PKD2L1: variants seen among roughly 807,000 people sequenced by gnomAD.
The protein encoded by PKD2L1 is polycystin-2-like protein 1.
In PKD2L1, 77 loss-of-function variants were observed where a neutral mutation model predicts 93.0. That is an observed-to-expected ratio of 0.83 (90% CI 0.69 to 1.00). The LOEUF is 1.00. Ranked by LOEUF, PKD2L1 falls within the 50% of genes least tolerant of loss-of-function variation. The pLI, the probability that PKD2L1 is intolerant of heterozygous loss-of-function variation, is 0.00. For synonymous variants in PKD2L1, 390 were observed against 388.0 expected (o/e 1.01, Z -0.06); for missense variants, 977 against 990.9 (o/e 0.99, Z 0.19).
chr10:100,298,085 T>G (rs141764752), intron 4 of PKD2L1, among the ~76,000 whole-genome samples: 367 of 152,244 alleles, frequency 2.4e-3, no homozygotes, highest in African/African-American at 8.6e-3. Flanking sequence ...CTCCATTCTA[T>G]CCACTAAACT....
chr10:100,321,169 C>T (rs1849217647), intron 2 of PKD2L1, among the ~76,000 whole-genome samples: 1 of 151,754 alleles, frequency 6.6e-6, no homozygotes, highest in African/African-American at 2.4e-5. Context: ...GAAAATATAG[C>T]AACACCCGAC....
At chr10:100,321,812 A>G (rs111553883) in intron 2 of PKD2L1, among the ~76,000 whole-genome samples, 260 of 684 alleles carry the variant, frequency 0.38, 117 homozygotes, top group Admixed American at 0.52. Flanking sequence ...GGGAGGGAGG[A>G]AGGAAGGAAA....
rs770018957 is a variant in PKD2L1 at position 100,292,988 on chromosome 10, G to T, written c.1840C>A (p.Gln614Lys). The T allele has an allele frequency of 6.2e-7, 1 of 1,614,112 alleles. No homozygotes were observed. Among genetic ancestry groups the T allele is most frequent in the East Asian group, 2.2e-5 (1 of 44,888 alleles). ...GTGAAATCCTCAAACTGGATCTCCT[G>T]CTCCCCACCCTGCAGGACCTTCTGC... ...DVQKVLQGGE[Q>K]EIQFEDFTNT... The change falls in exon 11 of 16, where the codon CAG becomes AAG. Residue 614 changes from glutamine to lysine, a missense_variant. Coordinates refer to ENST00000318222, the MANE Select transcript of PKD2L1 (RefSeq NM_016112.3).
intron 2 of PKD2L1, among the ~76,000 whole-genome samples, chr10:100,301,044 C>T (rs193212062): frequency 9.9e-5 from 15 of 152,130 alleles, no homozygotes; most frequent in Non-Finnish European, 1.5e-4. Flanking sequence ...GTTGGGTGTC[C>T]GGCGGAGACG....
chr10:100,308,141 TG>T (rs766262150), intron 2 of PKD2L1, among the ~76,000 whole-genome samples: 2 of 152,296 alleles, frequency 1.3e-5, no homozygotes, highest in Non-Finnish European at 2.9e-5. Context: ...TAAATTCTTC[TG>T]TACACACTAT....
At position 100,329,287 on chromosome 10, in the gene PKD2L1, C is replaced by G; in HGVS notation, c.273G>C (p.Glu91Asp). 6.2e-7 allele frequency: 1 copy of G among 1,614,170 alleles called. No individual in the cohort carries two copies. Among genetic ancestry groups the G allele is most frequent in the Middle Eastern group, 1.6e-4 (1 of 6,062 alleles). ...TGGTCTTGATATAAAGTTCCCGGTT[C>G]TCAGCTGTGTTCTCAGTCAGGGTTG... Reference protein sequence around the residue: ...WGTTLTENTAENRELYIKTTL... With the variant: ...WGTTLTENTADNRELYIKTTL... Residue 91 changes from glutamate to aspartate, a missense_variant, in exon 2 of 16, where the codon GAG (glutamate) becomes GAC (aspartate). By Grantham distance (45) the Glu-to-Asp change is conservative. Transcript: ENST00000318222.
intron 2 of PKD2L1, among the ~76,000 whole-genome samples, chr10:100,307,656 C>A (rs1262382382): frequency 1.3e-5 from 2 of 151,858 alleles, no homozygotes; most frequent in Admixed American, 1.3e-4. Flanking sequence ...TGAGACACTG[C>A]CTCAAAAAAT....
At chr10:100,308,848 T>A (rs972458952) in intron 2 of PKD2L1, among the ~76,000 whole-genome samples, 3 of 152,236 alleles carry the variant, frequency 2.0e-5, no homozygotes, top group Admixed American at 2.0e-4. Flanking sequence ...GTTAGGATTG[T>A]GCAAGTCTAT....
At chr10:100,306,661 C>T (rs1184433346) in intron 2 of PKD2L1, among the ~76,000 whole-genome samples, 1 of 151,682 alleles carries the variant, frequency 6.6e-6, no homozygotes, top group African/African-American at 2.4e-5. Context: ...AGGAGTTTGA[C>T]ACCAGCCCGG....
intron 2 of PKD2L1, among the ~76,000 whole-genome samples, chr10:100,308,728 G>A (rs1233049571): frequency 2.6e-5 from 4 of 152,232 alleles, no homozygotes; most frequent in African/African-American, 7.2e-5. Context: ...TCCAAAAGCC[G>A]TGATTTAACC....
At chr10:100,311,255 C>T (rs12269609) in intron 2 of PKD2L1, among the ~76,000 whole-genome samples, 8,225 of 152,222 alleles carry the variant, frequency 0.054, 723 homozygotes, top group African/African-American at 0.19. Flanking sequence ...CTTGTTTAAT[C>T]TAGAGTGTTC....
chr10:100,307,447 C>T (rs1015531257), intron 2 of PKD2L1, among the ~76,000 whole-genome samples: 3 of 152,082 alleles, frequency 2.0e-5, no homozygotes, highest in African/African-American at 7.2e-5. Flanking sequence ...CACTTGAGCC[C>T]GGGAATTCAT....
Position 100,290,491 on chromosome 10 carries a change from A to T in PKD2L1, c.2036T>A (p.Leu679Gln). ...TGGGCTGCTCACAATAGATCGGCCT[A>T]GTTTCTCAATCTCAGTGTTGAGGGC... The part of the protein sequence containing the change: ...RVALNTEIEK[L>Q]GRSIVSSPQG... Residue 679 changes from leucine (L) to glutamine (Q), a missense_variant, in exon 13 of 16, where the codon CTA (leucine) becomes CAA (glutamine). By Grantham distance (113) the Leu-to-Gln change is moderately radical (BLOSUM62 -2). Transcript: ENST00000318222. The T allele has an allele frequency of 6.2e-7, 1 of 1,613,398 alleles. No individual in the cohort carries two copies. Among genetic ancestry groups the T allele is most frequent in the Non-Finnish European group, 8.5e-7 (1 of 1,179,916 alleles).
chr10:100,321,575 G>C (rs1163664320), intron 2 of PKD2L1, among the ~76,000 whole-genome samples: 1 of 147,200 alleles, frequency 6.8e-6, no homozygotes, highest in Non-Finnish European at 1.5e-5. Context: ...TTGAGAGGTT[G>C]AAGTGGGAGG....
Position 100,292,933 on chromosome 10 carries a change from T to A in PKD2L1, c.1880+15A>T. ...GAGACTGTTATTAGAGAAGGCTGGGTCTCTGGTTGCTCACTCCCTTAAGGT... is the reference window on the plus strand; with the variant it reads ...GAGACTGTTATTAGAGAAGGCTGGGACTCTGGTTGCTCACTCCCTTAAGGT... On this transcript the variant is annotated intron_variant, in intron 11 of 15. Coordinates refer to ENST00000318222, the MANE Select transcript of PKD2L1 (RefSeq NM_016112.3). The A allele has an allele frequency of 6.2e-7, 1 of 1,610,848 alleles. No individual in the cohort carries two copies. The highest frequency in any genetic ancestry group is 8.5e-7 in the Non-Finnish European group (1 of 1,178,530).
chr10:100,304,482 T>C (rs541145096), intron 2 of PKD2L1, among the ~76,000 whole-genome samples: 3 of 150,452 alleles, frequency 2.0e-5, no homozygotes, highest in East Asian at 3.9e-4. Flanking sequence ...CACGGTTTCT[T>C]TTATCTTTAT....
intron 8 of PKD2L1, 78 bp from the exon 9 acceptor site, chr10:100,294,733 C>T: frequency 6.3e-7 from 1 of 1,583,300 alleles, no homozygotes; most frequent in Non-Finnish European, 8.7e-7. Context: ...AGAGAGACCC[C>T]TCACCACACG....
chr10:100,321,730 AGAAAGAAAGAAAGAAAGAAAGAAAGAAG>A (rs1300767831), intron 2 of PKD2L1, among the ~76,000 whole-genome samples: 210 of 9,906 alleles, frequency 0.021, 19 homozygotes, highest in Non-Finnish European at 0.032. Context: ...AAAGAAAGAA[AGAAAGAAAGAAAGAAAGAAAGAAAGAAG>A]GGAGGGAGGG....
chr10:100,297,565 T>C lies in PKD2L1; in HGVS notation c.773A>G (p.His258Arg). 2 of 1,613,932 alleles carry C rather than the reference T, an allele frequency of 1.2e-6. No individual in the cohort carries two copies. Among genetic ancestry groups the C allele is most frequent in the Non-Finnish European group, 1.7e-6 (2 of 1,179,992 alleles). Residue 258 changes from histidine to arginine, a missense_variant, in exon 5 of 16, where the codon CAC becomes CGC. By Grantham distance (29) the His-to-Arg change is conservative. Transcript: ENST00000318222. Reference protein sequence around the residue: ...HSQDELGGFSHWGRLTSYSGG... With the variant: ...HSQDELGGFSRWGRLTSYSGG... ...GCTGTAGCTTGTGAGCCTGCCCCAG[T>C]GGGAGAAGCCCCCCAACTCATCCTG...
Sources: gnomAD v4.1 joint callset for allele counts (sites outside exome capture counted in the v4.1 genomes callset) on GRCh38, gnomAD v4.1.1 for gene constraint, MANE v1.5 for transcripts, NCBI Gene and HGNC (gene_info 2026-07-23, HGNC 2026-07-21) for gene names.